PLRG1: variants seen among roughly 807,000 people sequenced by gnomAD.
PLRG1 encodes the protein pleiotropic regulator 1.
In PLRG1, 28 loss-of-function variants were observed where a neutral mutation model predicts 74.9. The observed-to-expected ratio is 0.37, with a 90% CI of 0.28 to 0.51. PLRG1 has a LOEUF of 0.51. PLRG1 is among the 20% of genes least tolerant of loss of function. PLRG1 has a pLI of 0.91. For missense variants in PLRG1, 445 were observed against 631.9 expected (o/e 0.70, Z 3.17); for synonymous variants, 197 against 212.4 (o/e 0.93, Z 0.63).
chr4:154,537,090 T>C (rs2097181030), intron 14 of PLRG1, among the ~76,000 whole-genome samples, 196 bp downstream of exon 14: 2 of 152,102 alleles, frequency 1.3e-5, no homozygotes, highest in African/African-American at 2.4e-5. Context: ...ACAAAGGAAG[T>C]TGGGATAAAA....
rs930011207 is a variant in PLRG1, at chr4:154,547,603, T to C, written c.259+108A>G. The C allele has an allele frequency of 2.4e-5, 23 of 952,460 alleles. No homozygotes were observed. In the South Asian group the frequency reaches 3.1e-4, roughly 13 times the overall value. 59.0% of individuals were successfully genotyped at this position (952,460 alleles called of 1,614,324 possible). A position where few individuals can be genotyped will look rare whatever the true frequency, so the allele number is the denominator to read the frequency against. ...TAATACAGGTACGGCCATTAAATAC[T>C]GTACGACCACAATAAGTCCTGCCAG... On this transcript the variant is annotated intron_variant, in intron 3 of 14. Transcript: ENST00000499023.
Position 154,544,552 on chromosome 4 carries a change from C to T in PLRG1, c.493-6G>A. ...TTGCCAGTCTCCATGACAATCTAGA[C>T]ATAGAAGAGACATTATTATTATTAA... is the stretch of plus-strand genomic sequence containing the variant. On this transcript the variant is annotated splice_polypyrimidine_tract_variant and splice_region_variant and intron_variant, in intron 6 of 14. Transcript: ENST00000499023. The T allele has an allele frequency of 6.7e-7, 1 of 1,493,486 alleles. No individual in the cohort carries two copies. The highest frequency in any genetic ancestry group is 9.3e-7 in the Non-Finnish European group (1 of 1,070,972). 92.5% of individuals were successfully genotyped at this position (1,493,486 alleles called of 1,614,324 possible).
chr4:154,540,084 G>C, intron 10 of PLRG1, 31 bp from the exon 11 acceptor site: 1 of 1,115,714 alleles, frequency 9.0e-7, no homozygotes, highest in Non-Finnish European at 1.4e-6. Context: ...TATTAGGAAA[G>C]AGAATAGGTA....
At chr4:154,549,528 T>C (rs1049630539) in intron 1 of PLRG1, 1 of 375,486 alleles carries the variant, frequency 2.7e-6, no homozygotes, top group Non-Finnish European at 5.2e-6. Flanking sequence ...GAGGATGAGA[T>C]GGTGCTTTGT....
rs994155075 is a variant in PLRG1, at chr4:154,546,954, T to C, written c.313+57A>G. ...AACAAGAATCTCATTATTGGCTCGT[T>C]AGTGAAAATATATGTGACATTTTTA... On this transcript the variant is annotated intron_variant, in intron 4 of 14. Transcript: ENST00000499023. The C allele has an allele frequency of 4.9e-6, 6 of 1,236,352 alleles. No individual in the cohort carries two copies. In the East Asian group the frequency reaches 1.2e-4, roughly 24 times the overall value. 76.6% of individuals were successfully genotyped at this position (1,236,352 alleles called of 1,614,324 possible). A position where few individuals can be genotyped will look rare whatever the true frequency, so the allele number is the denominator to read the frequency against.
rs1346218961 is a variant in PLRG1, at chr4:154,537,134, AAAC to A, written c.1485+149_1485+151del. 7 of 517,738 alleles carry A rather than the reference AAAC, an allele frequency of 1.4e-5. No individual in the cohort carries two copies. The African/African-American group carries it at 1.4e-4, about 10-fold the overall frequency. The allele number at this position is 517,738 out of a possible 1,614,324, so 32.1% of individuals were successfully genotyped here. Reference sequence around the variant, plus strand: ...ATCCATGGATTCACTGGCATCAGTGAAACAATATAGAAATATATAAATGGACAC... The same window carrying A: ...ATCCATGGATTCACTGGCATCAGTGAAATATAGAAATATATAAATGGACAC... On this transcript the variant is annotated intron_variant, in intron 14 of 14. Transcript: ENST00000499023.
At chr4:154,549,153 T>C in intron 1 of PLRG1, 1 of 534,688 alleles carries the variant, frequency 1.9e-6, no homozygotes, top group Non-Finnish European at 3.5e-6. Context: ...GATGCCGGAG[T>C]TTAACTTACT....
At position 154,545,903 on chromosome 4, in the gene PLRG1, G is replaced by A; in HGVS notation, c.425C>T (p.Ala142Val). ...ATGTCGGTATTCACTTCCACTAGGG[G>A]CAGTACGATTTGCATCAGCCCTGGG... ...LQTKADANRT[A>V]PSGSEYRHPG... Residue 142 changes from alanine to valine, a missense_variant, in exon 6 of 15, where the codon GCC becomes GTC. Coordinates refer to ENST00000499023, the MANE Select transcript of PLRG1 (RefSeq NM_002669.4). The A allele has an allele frequency of 6.2e-7, 1 of 1,610,932 alleles. No homozygotes were observed. The highest frequency in any genetic ancestry group is 8.5e-7 in the Non-Finnish European group (1 of 1,177,342).
At chr4:154,545,744 C>G (rs922420970) in intron 6 of PLRG1, 92 bp downstream of exon 6, 5 of 695,034 alleles carry the variant, frequency 7.2e-6, no homozygotes, top group Non-Finnish European at 1.2e-5. Context: ...CTAGCTCAGG[C>G]TGCTATTTAT....
chr4:154,540,425 G>A (rs1437327769), intron 10 of PLRG1, among the ~76,000 whole-genome samples, 169 bp downstream of exon 10: 3 of 152,082 alleles, frequency 2.0e-5, no homozygotes, highest in Non-Finnish European at 4.4e-5. Context: ...TACAACTGAA[G>A]ACTAAGGTGG....
Position 154,546,163 on chromosome 4 carries a change from C to G in PLRG1, c.364G>C (p.Ala122Pro), listed in dbSNP as rs368289009. The G allele has an allele frequency of 2.1e-4, 335 of 1,609,450 alleles. 1 individual carries two copies. Among genetic ancestry groups the G allele is most frequent in the Non-Finnish European group, 2.6e-4 (311 of 1,175,896 alleles). Residue 122 changes from alanine (A) to proline (P), a missense_variant, in exon 5 of 15, where the codon GCT (alanine) becomes CCT (proline). Around this residue, in one of 3 missense-constraint regions of PLRG1, gnomAD observed 206 missense variants for 210.8 expected, o/e 0.98. Coordinates refer to ENST00000499023, the MANE Select transcript of PLRG1 (RefSeq NM_002669.4). ...AATGCCACCGCTAAGGACTGTGCAG[C>G]TGATTCACTTGGCATTCTCTGGATC... is the stretch of plus-strand genomic sequence containing the variant. Reference protein sequence around the residue: ...TKIQRMPSESAAQSLAVALPL... With the variant: ...TKIQRMPSESPAQSLAVALPL...
chr4:154,539,082 G>A, intron 12 of PLRG1, 23 bp downstream of exon 12: 1 of 1,307,202 alleles, frequency 7.6e-7, no homozygotes, highest in Non-Finnish European at 1.1e-6. Flanking sequence ...AAAACAAGAA[G>A]CTAATTAGGA....
chr4:154,549,253 C>T, intron 1 of PLRG1: 1 of 374,034 alleles, frequency 2.7e-6, no homozygotes, highest in Admixed American at 3.8e-5. Context: ...GTCATGGTCC[C>T]TGTGCTCAAG....
rs370241339 is a variant in PLRG1, at chr4:154,537,418, G to A, written c.1353C>T (p.His451=). The A allele has an allele frequency of 4.1e-5, 66 of 1,613,298 alleles. 1 individual carries two copies. The highest frequency in any genetic ancestry group is 3.3e-4 in the Middle Eastern group (2 of 6,060). The change falls in exon 14 of 15, where the codon CAC becomes CAT. Residue 451 remains histidine (H), a synonymous_variant. Coordinates refer to ENST00000499023, the MANE Select transcript of PLRG1 (RefSeq NM_002669.4). The part of the protein sequence containing the change: ...WRTGYNFQRV[H]AAVQPGSLDS... ...CCAAAGACCCAGGTTGCACAGCTGC[G>A]TGAACTCTCTGAAAATTGTAGCCAG...
intron 6 of PLRG1, among the ~76,000 whole-genome samples, chr4:154,545,581 T>C (rs1467380323): frequency 6.6e-6 from 1 of 152,198 alleles, no homozygotes; most frequent in African/African-American, 2.4e-5. Flanking sequence ...CTCCTTGCAT[T>C]TTTAATAGTG....
chr4:154,538,068 A>T lies in PLRG1; in HGVS notation c.1192T>A (p.Trp398Arg). The T allele has an allele frequency of 6.5e-7, 1 of 1,531,636 alleles. No individual in the cohort carries two copies. The allele number at this position is 1,531,636 out of a possible 1,614,324, so 94.9% of individuals were successfully genotyped here. ...ATGAAACTTCCATCAGGGAATTTCC[A>T]CTGCTTTATGTTATCTGGAGAACCA... is the stretch of plus-strand genomic sequence containing the variant. ...ASGSPDNIKQ[W>R]KFPDGSFIQN... Residue 398 changes from tryptophan (W) to arginine (R), a missense_variant, in exon 13 of 15, where the codon TGG (tryptophan) becomes AGG (arginine). Coordinates refer to ENST00000499023, the MANE Select transcript of PLRG1 (RefSeq NM_002669.4).
chr4:154,544,517 G>A lies in PLRG1; in HGVS notation c.522C>T (p.Asn174=). 6.2e-7 allele frequency: 1 copy of A among 1,611,176 alleles called. No homozygotes were observed. The highest frequency in any genetic ancestry group is 1.3e-5 in the African/African-American group (1 of 74,946). The part of the protein sequence containing the change: ...SIVMETGNTK[N]SALMAKKAPT... ...GGGCTTTTTTAGCCATCAGTGCAGA[G>A]TTCTTGGTATTGCCAGTCTCCATGA... Residue 174 remains asparagine (N), a synonymous_variant, in exon 7 of 15, where the codon AAC becomes AAT. Transcript: ENST00000499023.
At chr4:154,546,574 A>G (rs1407963040) in intron 4 of PLRG1, 1 of 293,030 alleles carries the variant, frequency 3.4e-6, no homozygotes, top group African/African-American at 2.2e-5. Flanking sequence ...AGAAACACCC[A>G]ATTTCCCTGT....
chr4:154,542,228 T>C lies in PLRG1; in HGVS notation c.646A>G (p.Asn216Asp). Residue 216 changes from asparagine (N) to aspartate (D), a missense_variant, in exon 8 of 15, where the codon AAT becomes GAT. Physicochemically the swap from Asn to Asp is conservative, Grantham distance 23 (BLOSUM62 1). This residue lies in a region of PLRG1 where 221 missense variants were observed against 377.7 expected (regional missense o/e 0.59). Coordinates refer to ENST00000499023, the MANE Select transcript of PLRG1 (RefSeq NM_002669.4). ...WVRCIAVEPGNQWFVTGSADR... is the reference protein window; with the variant it reads ...WVRCIAVEPGDQWFVTGSADR... ...GCAGATCCAGTAACAAACCACTGAT[T>C]TCCAGGTTCCACAGCAATACATCGA... The C allele has an allele frequency of 1.9e-6, 3 of 1,612,742 alleles. No homozygotes were observed. The highest frequency in any genetic ancestry group is 2.5e-6 in the Non-Finnish European group (3 of 1,178,804).
Sources: allele counts gnomAD v4.1 joint callset (sites outside exome capture counted in the v4.1 genomes callset), GRCh38; gene constraint gnomAD v4.1.1; regional missense constraint gnomAD v4.1.1; transcripts MANE v1.5; gene names NCBI Gene and HGNC (gene_info 2026-07-23, HGNC 2026-07-21).